Variants in GSK3B observed in about 807,000 individuals in gnomAD.
GSK3B encodes the protein glycogen synthase kinase 3 beta, also known as glycogen synthase kinase-3 beta.
Under a neutral mutation model 56.4 loss-of-function variants are expected in GSK3B, and 15 were observed. The observed-to-expected ratio is 0.27, with a 90% CI of 0.18 to 0.41. The LOEUF is 0.41. Among genes scored for constraint, GSK3B ranks in the 10% least tolerant of loss-of-function variants. The pLI is 1.00. For missense variants in GSK3B, 300 were observed against 513.4 expected, an observed-to-expected ratio of 0.58 and a Z score of 4.02; for synonymous variants, 181 against 188.9, an observed-to-expected ratio of 0.96 and a Z score of 0.34.
intron 7 of GSK3B, among the ~76,000 whole-genome samples, chr3:119,881,160 C>T (rs1187523115): frequency 6.6e-6 from 1 of 152,130 alleles, no homozygotes; most frequent in Non-Finnish European, 1.5e-5. Flanking sequence ...GCTACACATA[C>T]CTTTATGGAT....
intron 10 of GSK3B, among the ~76,000 whole-genome samples, chr3:119,828,977 T>C (rs1050940104): frequency 5.3e-5 from 8 of 152,198 alleles, no homozygotes; most frequent in African/African-American, 9.7e-5. Flanking sequence ...TTCATCAGTA[T>C]GGCAAATGAA....
At chr3:119,877,327 G>C (rs979131881) in intron 7 of GSK3B, among the ~76,000 whole-genome samples, 1 of 152,010 alleles carries the variant, frequency 6.6e-6, no homozygotes, top group African/African-American at 2.4e-5. Flanking sequence ...AGAGATGTTC[G>C]AGTCCCTTAT....
At position 120,093,931 on chromosome 3, in the gene GSK3B, G is replaced by A. The variant is rs375143060; in HGVS notation, c.-497C>T. 2 of 212,902 alleles carry A rather than the reference G, an allele frequency of 9.4e-6. No homozygotes were observed. The highest frequency in any genetic ancestry group is 3.2e-4 in the South Asian group (2 of 6,304). The allele number at this position is 212,902 out of a possible 1,614,324, so 13.2% of individuals were successfully genotyped here. Reference sequence around the variant, plus strand: ...GGAGAGGGAGGGAGGGGGTGGCTCGGAGATGCGACGGGAAACGCTGCAGCT... The same window carrying A: ...GGAGAGGGAGGGAGGGGGTGGCTCGAAGATGCGACGGGAAACGCTGCAGCT... On this transcript the variant is annotated 5_prime_UTR_variant, in exon 1 of 11. Coordinates refer to ENST00000264235, the MANE Select transcript of GSK3B (RefSeq NM_001146156.2).
chr3:120,068,707 A>G (rs1031432082), intron 1 of GSK3B, among the ~76,000 whole-genome samples: 4 of 151,696 alleles, frequency 2.6e-5, no homozygotes, highest in Non-Finnish European at 5.9e-5. Context: ...CTCAAAAAAT[A>G]AATAAATAAA....
chr3:120,026,788 C>T (rs2057931562), intron 1 of GSK3B, among the ~76,000 whole-genome samples: 1 of 151,878 alleles, frequency 6.6e-6, no homozygotes, highest in Non-Finnish European at 1.5e-5. Flanking sequence ...GAACTCCTGA[C>T]CTCGAGTGAT....
At chr3:119,907,693 T>C (rs1197563998) in intron 6 of GSK3B, among the ~76,000 whole-genome samples, 1 of 152,194 alleles carries the variant, frequency 6.6e-6, no homozygotes, top group Non-Finnish European at 1.5e-5. Flanking sequence ...GGGTTCATGT[T>C]AAAGTGATCT....
At chr3:120,088,438 T>C (rs748059578) in intron 1 of GSK3B, among the ~76,000 whole-genome samples, 3 of 152,246 alleles carry the variant, frequency 2.0e-5, no homozygotes, top group Non-Finnish European at 2.9e-5. Context: ...TAGGTTTTTA[T>C]ATAAATATAC....
chr3:119,840,769 T>A (rs550953499), intron 10 of GSK3B, among the ~76,000 whole-genome samples: 2 of 151,928 alleles, frequency 1.3e-5, no homozygotes, highest in Non-Finnish European at 2.9e-5. Flanking sequence ...AGGGGAACTT[T>A]AAAAAAAAGT....
chr3:119,958,199 C>G (rs540134491), intron 2 of GSK3B, among the ~76,000 whole-genome samples: 2 of 152,250 alleles, frequency 1.3e-5, no homozygotes, highest in South Asian at 4.1e-4. Flanking sequence ...TGCTTTCTTT[C>G]CCTTTCGCCA....
At chr3:119,891,598 G>A (rs532133991) in intron 7 of GSK3B, among the ~76,000 whole-genome samples, 1 of 152,132 alleles carries the variant, frequency 6.6e-6, no homozygotes, top group East Asian at 1.9e-4. Context: ...TGAATTTTAA[G>A]AGATGGAAAT....
chr3:119,888,914 G>A (rs1174790428), intron 7 of GSK3B, among the ~76,000 whole-genome samples: 2 of 152,058 alleles, frequency 1.3e-5, no homozygotes, highest in African/African-American at 2.4e-5. Flanking sequence ...AGGCTTAGCA[G>A]GGTGGGGAAA....
intron 2 of GSK3B, among the ~76,000 whole-genome samples, chr3:119,967,821 TC>T (rs2057331932): frequency 3.0e-5 from 3 of 100,712 alleles, no homozygotes; most frequent in Non-Finnish European, 6.0e-5. Context: ...TCCCTCCCTT[TC>T]TCTCTTTCTC....
intron 3 of GSK3B, among the ~76,000 whole-genome samples, chr3:119,932,340 T>A (rs1210824286): frequency 2.0e-5 from 3 of 152,192 alleles, no homozygotes; most frequent in African/African-American, 7.2e-5. Context: ...GAGAATATAG[T>A]ACTAATAGTA....
At chr3:119,987,583 T>C (rs753380504) in intron 2 of GSK3B, among the ~76,000 whole-genome samples, 4 of 152,152 alleles carry the variant, frequency 2.6e-5, no homozygotes, top group Non-Finnish European at 5.9e-5. Context: ...TTTCTGTAAA[T>C]TGGGCATTAA....
chr3:119,834,851 T>C (rs1180717338), intron 10 of GSK3B, among the ~76,000 whole-genome samples: 1 of 152,164 alleles, frequency 6.6e-6, no homozygotes, highest in South Asian at 2.1e-4. Flanking sequence ...GGAGAGAACA[T>C]GTTTTGCACA....
chr3:119,923,604 C>A, intron 3 of GSK3B, 121 bp from the exon 4 acceptor site: 1 of 469,910 alleles, frequency 2.1e-6, no homozygotes, highest in South Asian at 4.7e-5. Context: ...ATTAATGTGT[C>A]ACTTTTAATT....
intron 2 of GSK3B, among the ~76,000 whole-genome samples, chr3:119,982,516 T>A (rs1219988694): frequency 6.6e-6 from 1 of 152,042 alleles, no homozygotes; most frequent in African/African-American, 2.4e-5. Flanking sequence ...AGAGAAGACA[T>A]TAAATAAACT....
intron 1 of GSK3B, among the ~76,000 whole-genome samples, chr3:120,083,852 A>G (rs1297783119): frequency 6.6e-6 from 1 of 152,264 alleles, no homozygotes; most frequent in African/African-American, 2.4e-5. Flanking sequence ...ATGCTATAAC[A>G]TGGGAGAAAG....
At chr3:119,975,359 A>C (rs923222093) in intron 2 of GSK3B, among the ~76,000 whole-genome samples, 1 of 152,174 alleles carries the variant, frequency 6.6e-6, no homozygotes, top group South Asian at 2.1e-4. Context: ...GGGCAGGAGA[A>C]TCGCTTGAAC....
Sources: gnomAD v4.1 joint callset for allele counts (sites outside exome capture counted in the v4.1 genomes callset) on GRCh38, gnomAD v4.1.1 for gene constraint, MANE v1.5 for transcripts, NCBI Gene and HGNC (gene_info 2026-07-23, HGNC 2026-07-21) for gene names.